The following LRP1B variants were observed in gnomAD, a reference collection of about 807,000 sequenced individuals.
LRP1B encodes the protein LDL receptor related protein 1B.
LRP1B carries 217 observed loss-of-function variants against 556.6 expected under a neutral mutation model. The ratio of observed to expected loss-of-function variants is 0.39; its 90% confidence interval spans 0.35 to 0.44. The LOEUF (loss-of-function observed/expected upper bound fraction) is 0.44. Among genes scored for constraint, LRP1B ranks in the 20% least tolerant of loss-of-function variants. LRP1B has a pLI of 1.00. For missense variants in LRP1B, 5,053 were observed against 5,620.8 expected (o/e 0.90, Z 3.23); for synonymous variants, 2,047 against 1,865.8 (o/e 1.10, Z -2.50).
intron 11 of LRP1B, among the ~76,000 whole-genome samples, chr2:141,039,061 A>G (rs551993880): frequency 2.2e-4 from 34 of 152,222 alleles, no homozygotes; most frequent in African/African-American, 7.7e-4. Flanking sequence ...TAAACAACTC[A>G]TAAGTTTTAA....
chr2:141,381,861 C>T lies in LRP1B; in HGVS notation c.343+98535G>A, dbSNP rs537894933. 5.3e-5 allele frequency among the ~76,000 whole-genome samples: 8 copies of T among 152,268 alleles called. No individual in the cohort carries two copies. In the South Asian group the frequency reaches 1.7e-3, roughly 32 times the overall value. On this transcript the variant is annotated intron_variant, in intron 3 of 90. Coordinates refer to ENST00000389484, the MANE Select transcript of LRP1B (RefSeq NM_018557.3). ...GGCTGAATAGGGCACCTGCTTATAT[C>T]CTTCCAAAACAAGAATTCTGCACCC...
At chr2:141,954,045 T>C (rs1701182533) in intron 1 of LRP1B, among the ~76,000 whole-genome samples, 1 of 152,090 alleles carries the variant, frequency 6.6e-6, no homozygotes, top group African/African-American at 2.4e-5. Flanking sequence ...ATTACTTCTA[T>C]ACCTCTCTCT....
intron 1 of LRP1B, among the ~76,000 whole-genome samples, chr2:141,934,277 A>C (rs1700577714): frequency 1.3e-5 from 2 of 152,068 alleles, no homozygotes; most frequent in African/African-American, 4.8e-5. Flanking sequence ...AGAGCAATGG[A>C]GGCTGGACTG....
intron 3 of LRP1B, among the ~76,000 whole-genome samples, chr2:141,333,287 G>A (rs1256988599): frequency 6.6e-6 from 1 of 151,966 alleles, no homozygotes; most frequent in Non-Finnish European, 1.5e-5. Flanking sequence ...CTAACTTTGT[G>A]GATTAGGATA....
chr2:141,339,092 G>T (rs1486349669), intron 3 of LRP1B, among the ~76,000 whole-genome samples: 1 of 151,868 alleles, frequency 6.6e-6, no homozygotes, highest in African/African-American at 2.4e-5. Context: ...CAGGAATCAT[G>T]CTACTTTCCA....
intron 3 of LRP1B, among the ~76,000 whole-genome samples, chr2:141,319,745 G>T (rs951274156): frequency 1.4e-4 from 21 of 152,000 alleles, no homozygotes; most frequent in African/African-American, 4.6e-4. Flanking sequence ...GTATTGAATC[G>T]CAAGTTGCAG....
intron 1 of LRP1B, among the ~76,000 whole-genome samples, chr2:142,009,465 C>T (rs1435773600): frequency 6.6e-6 from 1 of 152,176 alleles, no homozygotes; most frequent in African/African-American, 2.4e-5. Context: ...GCCCTCCTGA[C>T]ACACTGACAT....
rs1377300390 is a variant in LRP1B at position 140,274,522 on chromosome 2, T to C, written c.13044A>G (p.Pro4348=). Residue 4348 remains proline, a synonymous_variant, in exon 85 of 91, where the codon CCA becomes CCG. Coordinates refer to ENST00000389484, the MANE Select transcript of LRP1B (RefSeq NM_018557.3). The part of the protein sequence containing the change: ...GDDGSVECVC[P]TRYEGPKCEV... ...CACATTTTGGTCCTTCATAGCGCGT[T>C]GGACAGACACATTCAACACTTCCAT... The C allele has an allele frequency of 6.2e-7, 1 of 1,612,550 alleles. No homozygotes were observed. The highest frequency in any genetic ancestry group is 1.7e-5 in the Admixed American group (1 of 59,850).
At chr2:141,309,567 A>G (rs1461557850) in intron 3 of LRP1B, among the ~76,000 whole-genome samples, 1 of 152,186 alleles carries the variant, frequency 6.6e-6, no homozygotes, top group African/African-American at 2.4e-5. Context: ...CCATTTTGCT[A>G]TGTGAGGAGG....
At chr2:140,907,822 G>T (rs2105231307) in intron 22 of LRP1B, 55 bp downstream of exon 22, 2 of 1,458,938 alleles carry the variant, frequency 1.4e-6, no homozygotes, top group South Asian at 2.3e-5. Context: ...AACAGCAACT[G>T]AACTAAAAGG....
chr2:141,054,049 T>G (rs2105453708), intron 10 of LRP1B, among the ~76,000 whole-genome samples: 1 of 152,136 alleles, frequency 6.6e-6, no homozygotes, highest in South Asian at 2.1e-4. Context: ...ATAAAAAATG[T>G]AAACAAAGTA....
intron 50 of LRP1B, 92 bp downstream of exon 50, chr2:140,516,797 A>ACAATGTTT: frequency 8.7e-7 from 1 of 1,143,698 alleles, no homozygotes; most frequent in South Asian, 1.5e-5. Flanking sequence ...AAATCAGCTG[A>ACAATGTTT]CAATGTTTTG....
chr2:140,421,008 C>A (rs1685418226), intron 66 of LRP1B, among the ~76,000 whole-genome samples: 1 of 152,100 alleles, frequency 6.6e-6, no homozygotes, highest in African/African-American at 2.4e-5. Context: ...GTAATATCAG[C>A]ACTTTCAGAG....
chr2:140,495,010 T>C (rs1383025250), intron 56 of LRP1B, among the ~76,000 whole-genome samples: 2 of 152,166 alleles, frequency 1.3e-5, no homozygotes, highest in Non-Finnish European at 2.9e-5. Flanking sequence ...ATTAAAGTTA[T>C]GGGCCATGCT....
In LRP1B at chr2:140,507,452, G is replaced by C. The variant is rs551531284; in HGVS notation, c.8399-534C>G. 3.9e-5 allele frequency among the ~76,000 whole-genome samples: 6 copies of C among 152,204 alleles called. No homozygotes were observed. In the South Asian group the frequency reaches 1.2e-3, roughly 32 times the overall value. ...ACTTTTTGGTGACTTCTAGAGTGGG[G>C]TGTCCAATTAGGTAAAGGTAAGATC... On this transcript the variant is annotated intron_variant, in intron 52 of 90. Transcript: ENST00000389484.
At chr2:140,750,078 G>A (rs1037413876) in intron 35 of LRP1B, among the ~76,000 whole-genome samples, 6 of 101,028 alleles carry the variant, frequency 5.9e-5, no homozygotes, top group African/African-American at 2.6e-4. Context: ...CTGTGCACAC[G>A]TACACACACA....
At chr2:140,455,410 C>T (rs1469072049) in intron 62 of LRP1B, among the ~76,000 whole-genome samples, 1 of 152,142 alleles carries the variant, frequency 6.6e-6, no homozygotes, top group East Asian at 1.9e-4. Flanking sequence ...GTACCAGGAA[C>T]TTTTCCCATT....
At chr2:141,081,360 AAAG>A (rs1423384531) in intron 7 of LRP1B, among the ~76,000 whole-genome samples, 3 of 152,192 alleles carry the variant, frequency 2.0e-5, no homozygotes, top group African/African-American at 7.2e-5. Flanking sequence ...AAAATTTAAA[AAAG>A]AATAATGCCT....
chr2:141,206,785 A>G (rs144560236), intron 6 of LRP1B, among the ~76,000 whole-genome samples: 11 of 152,216 alleles, frequency 7.2e-5, no homozygotes, highest in Middle Eastern at 3.4e-3. Context: ...AGAAATTGGC[A>G]AGCAGAAGTG....
Sources: gnomAD v4.1 joint callset for allele counts (sites outside exome capture counted in the v4.1 genomes callset) on GRCh38, gnomAD v4.1.1 for gene constraint, MANE v1.5 for transcripts, NCBI Gene and HGNC (gene_info 2026-07-23, HGNC 2026-07-21) for gene names.